Variants in AGO2 observed in about 807,000 individuals in gnomAD.
AGO2 encodes the protein argonaute RISC catalytic component 2.
A neutral mutation model predicts 102.3 loss-of-function variants in AGO2; 5 were observed. The observed-to-expected ratio is 0.05, with a 90% confidence interval of 0.03 to 0.10. AGO2 has a LOEUF of 0.10. Among genes scored for constraint, AGO2 ranks in the 10% least tolerant of loss-of-function variants. The pLI is 1.00. For synonymous variants in AGO2, 449 were observed against 473.1 expected (o/e 0.95, Z 0.66); for missense variants, 541 against 1,183.7 (o/e 0.46, Z 7.97).
chr8:140,594,798 G>C (rs1342965851), intron 1 of AGO2, among the ~76,000 whole-genome samples: 1 of 135,088 alleles, frequency 7.4e-6, no homozygotes, highest in Non-Finnish European at 1.7e-5. Context: ...GACACAGTGA[G>C]AACCCGTCTC....
Position 140,619,205 on chromosome 8 carries a change from G to A in AGO2, c.22+16280C>T, listed in dbSNP as rs546900055. Among the ~76,000 whole-genome samples the A allele has an allele frequency of 9.2e-5, 14 of 152,276 alleles. No individual in the cohort carries two copies. The South Asian group carries it at 1.9e-3, about 20-fold the overall frequency. On this transcript the variant is annotated intron_variant, in intron 1 of 18. Coordinates refer to ENST00000220592, the MANE Select transcript of AGO2 (RefSeq NM_012154.5). ...CCACCCGCACCTGGCAGCCACTGTC[G>A]CCAAGTCGCTAGGGATGGGCTGTGG...
At chr8:140,543,185 A>AC (rs896305492) in intron 14 of AGO2, among the ~76,000 whole-genome samples, 2 of 143,622 alleles carry the variant, frequency 1.4e-5, no homozygotes, top group East Asian at 4.5e-4. Context: ...ACAAAAAAAA[A>AC]CCCACAAAAC....
At chr8:140,621,360 TG>T (rs34430435) in intron 1 of AGO2, among the ~76,000 whole-genome samples, 1 of 152,172 alleles carries the variant, frequency 6.6e-6, no homozygotes, top group East Asian at 1.9e-4. Flanking sequence ...CCATTTTCCA[TG>T]GATTTGTGAG....
intron 1 of AGO2, among the ~76,000 whole-genome samples, chr8:140,587,513 C>T (rs2073677104): frequency 6.6e-6 from 1 of 152,202 alleles, no homozygotes; most frequent in Non-Finnish European, 1.5e-5. Context: ...CACAGGGAGT[C>T]CCACGTGTAA....
intron 3 of AGO2, among the ~76,000 whole-genome samples, chr8:140,571,606 C>T (rs74655569): frequency 1.5e-3 from 223 of 152,330 alleles, no homozygotes; most frequent in East Asian, 6.6e-3. Flanking sequence ...CCTTTGCATA[C>T]GGAGCTGGCT....
In AGO2 at chr8:140,531,992, A is replaced by C. The variant is rs2072604224; in HGVS notation, c.*52T>G. The C allele has an allele frequency of 1.3e-6, 2 of 1,511,562 alleles. No homozygotes were observed. The highest frequency in any genetic ancestry group is 1.8e-6 in the Non-Finnish European group (2 of 1,088,560). 93.6% of individuals were successfully genotyped at this position (1,511,562 alleles called of 1,614,324 possible). A position where few individuals can be genotyped will look rare whatever the true frequency, so the allele number is the denominator to read the frequency against. The stretch of plus-strand genomic sequence containing the variant: ...GCTGGCCATCTGTTGGTCTGAGTGT[A>C]GCTGGTCTCGTGAATCCCACTCGGT... On this transcript the variant is annotated 3_prime_UTR_variant, in exon 19 of 19. Transcript: ENST00000220592.
intron 2 of AGO2, among the ~76,000 whole-genome samples, chr8:140,579,079 G>A (rs1468980034): frequency 6.6e-6 from 1 of 152,086 alleles, no homozygotes; most frequent in African/African-American, 2.4e-5. Context: ...AAAAATTAGT[G>A]GAGTGTGGTG....
intron 1 of AGO2, among the ~76,000 whole-genome samples, chr8:140,619,556 G>A (rs1337225103): frequency 4.6e-5 from 7 of 152,188 alleles, no homozygotes; most frequent in African/African-American, 1.4e-4. Context: ...GGCAAAGGCC[G>A]CTCACTGCGC....
rs2293938 is a variant in AGO2 at position 140,540,968 on chromosome 8, G to A, written c.2034+196C>T. Among the ~76,000 whole-genome samples, 14 of 151,406 alleles carry A rather than the reference G, an allele frequency of 9.2e-5. No homozygotes were observed. Among genetic ancestry groups the A allele is most frequent in the Admixed American group, 4.6e-4 (7 of 15,204 alleles). On this transcript the variant is annotated intron_variant, in intron 15 of 18. Transcript: ENST00000220592. This position sits in a 1 kb window ranked among gnomAD's most constrained non-coding sequence, Gnocchi z 5.0. ...CCTCCCCTCCCTCTGTCCTGCCTCA[G>A]TGTCATGTGTTAGGGTCTCGACAGC...
chr8:140,611,083 C>A lies in AGO2; in HGVS notation c.22+24402G>T, dbSNP rs78053161. 1.5e-3 allele frequency among the ~76,000 whole-genome samples: 221 copies of A among 152,268 alleles called. 3 individuals carry two copies. The highest frequency in any genetic ancestry group is 5.1e-3 in the African/African-American group (210 of 41,546). ...GGTTCTCTAAGTGTGGTCCGGGGAG[C>A]TTCAGGGAGGTCCCCAGGGCCAGAG... On this transcript the variant is annotated intron_variant, in intron 1 of 18. Transcript: ENST00000220592.
At chr8:140,618,018 G>A (rs2074163556) in intron 1 of AGO2, among the ~76,000 whole-genome samples, 1 of 146,958 alleles carries the variant, frequency 6.8e-6, no homozygotes. Context: ...AAAAAAAAAA[G>A]TTGGGCCAGG....
upstream of AGO2, chr8:140,638,167 G>A (rs565274856): frequency 2.6e-5 from 4 of 152,286 alleles, no homozygotes; most frequent in Non-Finnish European, 4.4e-5. Flanking sequence ...AAGGGGTGAG[G>A]GGAAGTACAG....
intron 1 of AGO2, among the ~76,000 whole-genome samples, chr8:140,596,016 C>T: frequency 7.5e-6 from 1 of 134,126 alleles, no homozygotes; most frequent in African/African-American, 2.9e-5. Flanking sequence ...CACACACACA[C>T]ATACACACAT....
chr8:140,568,103 C>CAAAAAA (rs553804959), intron 3 of AGO2, among the ~76,000 whole-genome samples: 296 of 110,392 alleles, frequency 2.7e-3, no homozygotes, highest in Non-Finnish European at 3.4e-3. Flanking sequence ...ACTAAAAATA[C>CAAAAAA]AAAAAAAAAA....
At chr8:140,546,423 T>C (rs1388019158) in intron 13 of AGO2, among the ~76,000 whole-genome samples, 2 of 152,204 alleles carry the variant, frequency 1.3e-5, no homozygotes, top group African/African-American at 4.8e-5. Context: ...CGAGCCCCGC[T>C]GGGGTTCAAG....
chr8:140,628,052 G>A (rs1368113760), intron 1 of AGO2, among the ~76,000 whole-genome samples: 1 of 152,226 alleles, frequency 6.6e-6, no homozygotes, highest in Admixed American at 6.5e-5. Context: ...AAACCAGGGG[G>A]TCCCAAACCT....
chr8:140,555,946 C>T lies in AGO2; in HGVS notation c.1219G>A (p.Asp407Asn). 1 of 1,614,232 alleles carries T rather than the reference C, an allele frequency of 6.2e-7. No homozygotes were observed. The highest frequency in any genetic ancestry group is 8.5e-7 in the Non-Finnish European group (1 of 1,180,042). ...FGIMVKDEMT[D>N]VTGRVLQPPS... ...GGCTGCAGCACCCGCCCAGTCACGTCTGTCATCTCATCTTTGACCATGATT... is the reference window on the plus strand; with the variant it reads ...GGCTGCAGCACCCGCCCAGTCACGTTTGTCATCTCATCTTTGACCATGATT... Residue 407 changes from aspartate to asparagine, a missense_variant, in exon 10 of 19, where the codon GAC (aspartate) becomes AAC (asparagine). This residue lies in a region of AGO2 where 309 missense variants were observed against 735.1 expected (regional missense o/e 0.42). Transcript: ENST00000220592.
At chr8:140,611,826 T>C (rs1163900092) in intron 1 of AGO2, among the ~76,000 whole-genome samples, 17 of 152,206 alleles carry the variant, frequency 1.1e-4, no homozygotes, top group Admixed American at 1.0e-3. Context: ...AAATGGCTGA[T>C]GGTGTCTGTT....
In AGO2 at chr8:140,588,585, A is replaced by C. The variant is rs946747293; in HGVS notation, c.23-3274T>G. ...GAGGGAAGGAGGGAGGGAGTAAAGA[A>C]GGGAGGCAGGGAGAGAGGGAGGGAG... On this transcript the variant is annotated intron_variant, in intron 1 of 18. Coordinates refer to ENST00000220592, the MANE Select transcript of AGO2 (RefSeq NM_012154.5). 4.2e-4 allele frequency among the ~76,000 whole-genome samples: 15 copies of C among 36,096 alleles called. No homozygotes were observed. The Admixed American group carries it at 4.6e-3, about 11-fold the overall frequency. The allele number at this position is 36,096 out of a possible 152,430, so 23.7% of individuals were successfully genotyped here.
Sources: gnomAD v4.1 joint callset for allele counts (sites outside exome capture counted in the v4.1 genomes callset) on GRCh38, gnomAD v4.1.1 for gene constraint, gnomAD v4.1.1 regional missense constraint, Gnocchi (gnomAD v3.1) non-coding constraint, MANE v1.5 for transcripts, NCBI Gene and HGNC (gene_info 2026-07-23, HGNC 2026-07-21) for gene names.